Variants in GAREM1 observed in about 807,000 individuals in gnomAD.
The protein encoded by GAREM1 is GRB2-associated and regulator of MAPK protein 1.
Under a neutral mutation model 71.3 loss-of-function variants are expected in GAREM1, and 26 were observed. The ratio of observed to expected loss-of-function variants is 0.36; its 90% CI spans 0.27 to 0.51. The LOEUF (loss-of-function observed/expected upper bound fraction) is 0.51. Among genes scored for constraint, GAREM1 ranks in the 20% least tolerant of loss-of-function variants. The pLI, the probability that GAREM1 is intolerant of heterozygous loss-of-function variation, is 0.95. For synonymous variants in GAREM1, 440 were observed against 433.2 expected, an observed-to-expected ratio of 1.02 and a Z score of -0.20; for missense variants, 1,026 against 1,103.1, an observed-to-expected ratio of 0.93 and a Z score of 0.99.
At chr18:32,372,816 G>A (rs2047996146) in intron 2 of GAREM1, among the ~76,000 whole-genome samples, 1 of 152,218 alleles carries the variant, frequency 6.6e-6, no homozygotes, top group Admixed American at 6.5e-5. Context: ...TACAGAGAAG[G>A]TGGCCCACAA....
At chr18:32,434,864 T>C (rs1395075099) in intron 1 of GAREM1, among the ~76,000 whole-genome samples, 2 of 152,122 alleles carry the variant, frequency 1.3e-5, no homozygotes, top group Non-Finnish European at 2.9e-5. Context: ...TCTCCAAATA[T>C]TTATTAATTA....
chr18:32,301,225 C>T (rs1315759507), intron 3 of GAREM1, among the ~76,000 whole-genome samples: 2 of 152,172 alleles, frequency 1.3e-5, no homozygotes, highest in African/African-American at 4.8e-5. Context: ...CTTCAAGCAA[C>T]AATACAAGAA....
chr18:32,267,136 T>A lies in GAREM1; in HGVS notation c.*735A>T, dbSNP rs921757758. ...ACAGATGTTATCTAAAATATCAGAATCAAAATTATGTGTAAAACATATCCG... is the reference window on the plus strand; with the variant it reads ...ACAGATGTTATCTAAAATATCAGAAACAAAATTATGTGTAAAACATATCCG... On this transcript the variant is annotated 3_prime_UTR_variant, in exon 6 of 6. Transcript: ENST00000269209. The A allele has an allele frequency of 3.9e-5, 6 of 152,188 alleles. No homozygotes were observed. Among genetic ancestry groups the A allele is most frequent in the African/African-American group, 1.4e-4 (6 of 41,448 alleles). 9.4% of individuals were successfully genotyped at this position (152,188 alleles called of 1,614,324 possible).
At chr18:32,320,459 G>A (rs1054352606) in intron 2 of GAREM1, among the ~76,000 whole-genome samples, 6 of 151,940 alleles carry the variant, frequency 3.9e-5, no homozygotes, top group East Asian at 3.9e-4. Flanking sequence ...TTTTCATGGC[G>A]GAGGAAGTGG....
At position 32,412,383 on chromosome 18, in the gene GAREM1, T is replaced by C. The variant is rs1005047578; in HGVS notation, c.122-19348A>G. 3.3e-5 allele frequency: 53 copies of C among 1,589,452 alleles called. No individual in the cohort carries two copies. The East Asian group carries it at 4.5e-4, about 13-fold the overall frequency. On this transcript the variant is annotated intron_variant, in intron 1 of 5. Transcript: ENST00000269209. The stretch of plus-strand genomic sequence containing the variant: ...AAAATTTGAAGACTGATTGTTGTAA[T>C]TGCCAAAATCATTGTAGCTTCCACC...
At chr18:32,281,261 C>T (rs988265547) in intron 4 of GAREM1, among the ~76,000 whole-genome samples, 2 of 151,982 alleles carry the variant, frequency 1.3e-5, no homozygotes, top group African/African-American at 2.4e-5. Context: ...AGTGTTCTGC[C>T]TGTCTGAGGC....
intron 1 of GAREM1, among the ~76,000 whole-genome samples, chr18:32,433,670 A>G (rs2048646259): frequency 6.6e-6 from 1 of 152,104 alleles, no homozygotes; most frequent in Admixed American, 6.6e-5. Flanking sequence ...TTAGCAATAT[A>G]CAATTGGAAA....
At chr18:32,377,296 G>A (rs2048039560) in intron 2 of GAREM1, among the ~76,000 whole-genome samples, 2 of 152,276 alleles carry the variant, frequency 1.3e-5, no homozygotes, top group African/African-American at 4.8e-5. Context: ...AAGCCATAAG[G>A]AAGAAGGGGA....
rs1019543678 is a variant in GAREM1 at position 32,470,067 on chromosome 18, T to A, written c.121+241A>T. 1.7e-5 allele frequency among the ~76,000 whole-genome samples: 2 copies of A among 117,144 alleles called. No homozygotes were observed. Among genetic ancestry groups the A allele is most frequent in the African/African-American group, 6.1e-5 (2 of 32,628 alleles). The allele number at this position is 117,144 out of a possible 152,430, so 76.9% of individuals were successfully genotyped here. A position where few individuals can be genotyped will look rare whatever the true frequency, so the allele number is the denominator to read the frequency against. On this transcript the variant is annotated intron_variant, in intron 1 of 5. Transcript: ENST00000269209. This position sits in a 1 kb window ranked among gnomAD's most constrained non-coding sequence, Gnocchi z 4.4. ...TCTGCAGAGGTCTCCCTATGTTGAC[T>A]TTTTTTTTAGGGCGTCCTTTTTAAT...
At chr18:32,408,083 G>C (rs1162650092) in intron 1 of GAREM1, among the ~76,000 whole-genome samples, 1 of 151,912 alleles carries the variant, frequency 6.6e-6, no homozygotes, top group Non-Finnish European at 1.5e-5. Flanking sequence ...GGTTTGGTAT[G>C]TAATTTTTTC....
At chr18:32,314,723 G>A (rs1598954351) in intron 2 of GAREM1, among the ~76,000 whole-genome samples, 2 of 151,982 alleles carry the variant, frequency 1.3e-5, no homozygotes, top group South Asian at 4.2e-4. Context: ...TGAGTAGCTG[G>A]GATTACAGGC....
intron 4 of GAREM1, among the ~76,000 whole-genome samples, chr18:32,272,548 GA>G (rs2041477626): frequency 6.6e-6 from 1 of 152,176 alleles, no homozygotes; most frequent in South Asian, 2.1e-4. Flanking sequence ...TGCCCGGGAG[GA>G]AATGAAGTTT....
intron 3 of GAREM1, among the ~76,000 whole-genome samples, chr18:32,292,918 A>T (rs912978841): frequency 9.2e-5 from 14 of 152,188 alleles, no homozygotes; most frequent in Admixed American, 7.2e-4. Flanking sequence ...TGGGTAGAGA[A>T]ACTCTGAGTC....
At chr18:32,395,417 A>G (rs770501046) in intron 1 of GAREM1, among the ~76,000 whole-genome samples, 1 of 152,246 alleles carries the variant, frequency 6.6e-6, no homozygotes, top group Non-Finnish European at 1.5e-5. Context: ...AAGTAATTAA[A>G]TTACAAATTC....
intron 4 of GAREM1, among the ~76,000 whole-genome samples, chr18:32,274,555 C>T (rs2144426826): frequency 6.6e-6 from 1 of 152,300 alleles, no homozygotes; most frequent in South Asian, 2.1e-4. Context: ...CTGGCCTCCC[C>T]TGCCTGCCAC....
intron 1 of GAREM1, among the ~76,000 whole-genome samples, chr18:32,421,491 C>T (rs2048519128): frequency 1.3e-5 from 2 of 152,176 alleles, no homozygotes; most frequent in Admixed American, 6.5e-5. Context: ...CATTCCCCTG[C>T]TTTGAAACCT....
chr18:32,370,257 G>A (rs1253306119), intron 2 of GAREM1, among the ~76,000 whole-genome samples: 7 of 151,818 alleles, frequency 4.6e-5, no homozygotes, highest in African/African-American at 1.2e-4. Context: ...GTGAAACCCC[G>A]TCTCTACTAA....
chr18:32,466,735 G>T (rs1447398388), intron 1 of GAREM1, among the ~76,000 whole-genome samples: 1 of 152,094 alleles, frequency 6.6e-6, no homozygotes, highest in Non-Finnish European at 1.5e-5. Context: ...CACATTTGCT[G>T]AACCCAGTTC....
chr18:32,402,816 T>G (rs1005229040), intron 1 of GAREM1, among the ~76,000 whole-genome samples: 5 of 152,174 alleles, frequency 3.3e-5, no homozygotes, highest in African/African-American at 4.8e-5. Context: ...AACACACACT[T>G]ACTGAGGGTC....
Sources: allele counts gnomAD v4.1 joint callset (sites outside exome capture counted in the v4.1 genomes callset), GRCh38; gene constraint gnomAD v4.1.1; non-coding constraint Gnocchi (gnomAD v3.1); transcripts MANE v1.5; gene names NCBI Gene and HGNC (gene_info 2026-07-23, HGNC 2026-07-21).